The following SULT1B1 variants were observed in gnomAD, a reference collection of about 807,000 sequenced individuals.
SULT1B1 encodes the protein sulfotransferase 1B1.
Under a neutral mutation model 34.6 loss-of-function variants are expected in SULT1B1, and 28 were observed. The observed-to-expected ratio is 0.81, with a 90% CI of 0.60 to 1.11. The LOEUF (loss-of-function observed/expected upper bound fraction) is 1.11. SULT1B1 is among the 50% of genes least tolerant of loss of function. The pLI is 0.00. For synonymous variants in SULT1B1, 147 were observed against 110.2 expected (o/e 1.33, Z -2.09); for missense variants, 374 against 352.2 (o/e 1.06, Z -0.50).
At position 69,724,533 on chromosome 4, in the gene SULT1B1, T is replaced by A. The variant is rs1202243606; in HGVS notation, c.*2555A>T. 1.3e-5 allele frequency: 2 copies of A among 152,090 alleles called. No homozygotes were observed. The highest frequency in any genetic ancestry group is 2.9e-5 in the Non-Finnish European group (2 of 68,028). The allele number at this position is 152,090 out of a possible 1,614,324, so 9.4% of individuals were successfully genotyped here. ...TTGGAAAAAACTACTTTAAAGTTCA[T>A]AAGAAACCAAAAAAGAGCCCGCATT... On this transcript the variant is annotated 3_prime_UTR_variant, in exon 8 of 8. Coordinates refer to ENST00000310613, the MANE Select transcript of SULT1B1 (RefSeq NM_014465.4).
chr4:69,760,272 T>C (rs1719341741), intron 1 of SULT1B1, 187 bp downstream of exon 1: 1 of 968,168 alleles, frequency 1.0e-6, no homozygotes, highest in Non-Finnish European at 1.2e-6. Flanking sequence ...AAAATAAAAT[T>C]GAACATTGAA....
In SULT1B1 at chr4:69,724,868, A is replaced by G. The variant is rs1304299437; in HGVS notation, c.*2220T>C. On this transcript the variant is annotated 3_prime_UTR_variant, in exon 8 of 8. Coordinates refer to ENST00000310613, the MANE Select transcript of SULT1B1 (RefSeq NM_014465.4). ...TTCCTTACACCTTATACAAAAATTA[A>G]TTCAAGATGGATTAAAGACTTAAAT... 6.6e-6 allele frequency: 1 copy of G among 152,226 alleles called. No homozygotes were observed. The highest frequency in any genetic ancestry group is 1.5e-5 in the Non-Finnish European group (1 of 68,048). The allele number at this position is 152,226 out of a possible 1,614,324, so 9.4% of individuals were successfully genotyped here.
At chr4:69,756,960 G>GACAC (rs3076390) in intron 1 of SULT1B1, among the ~76,000 whole-genome samples, 1,813 of 147,980 alleles carry the variant, frequency 0.012, 33 homozygotes, top group African/African-American at 0.037. Context: ...CACCCTCACA[G>GACAC]ACACACACAC....
intron 4 of SULT1B1, among the ~76,000 whole-genome samples, chr4:69,746,203 TA>T (rs1354967350): frequency 4.6e-5 from 7 of 152,236 alleles, no homozygotes; most frequent in African/African-American, 1.7e-4. Context: ...TTGTCTTATG[TA>T]ATATCTTTTT....
chr4:69,754,549 T>G, intron 3 of SULT1B1, 121 bp downstream of exon 3: 1 of 945,526 alleles, frequency 1.1e-6, no homozygotes, highest in Non-Finnish European at 1.6e-6. Flanking sequence ...TTATATTGTT[T>G]GCCACCTTCC....
At chr4:69,748,142 T>G (rs1473708561) in intron 4 of SULT1B1, among the ~76,000 whole-genome samples, 4 of 152,028 alleles carry the variant, frequency 2.6e-5, no homozygotes, top group Non-Finnish European at 5.9e-5. Context: ...AAAGACACAC[T>G]TCAAACAAAA....
chr4:69,754,572 C>A lies in SULT1B1; in HGVS notation c.277+98G>T. On this transcript the variant is annotated intron_variant, in intron 3 of 7. Coordinates refer to ENST00000310613, the MANE Select transcript of SULT1B1 (RefSeq NM_014465.4). ...TTTGCCACCTTCCATTTTATGTCAC[C>A]AAATCTACTCCGGTTTCAGTGAAAG... 2.4e-6 allele frequency: 3 copies of A among 1,256,264 alleles called. No individual in the cohort carries two copies. In the South Asian group the frequency reaches 4.7e-5, roughly 20 times the overall value. The allele number at this position is 1,256,264 out of a possible 1,614,324, so 77.8% of individuals were successfully genotyped here. A position where few individuals can be genotyped will look rare whatever the true frequency, so the allele number is the denominator to read the frequency against.
At chr4:69,741,850 C>T (rs986916928) in intron 4 of SULT1B1, among the ~76,000 whole-genome samples, 1 of 152,116 alleles carries the variant, frequency 6.6e-6, no homozygotes, top group African/African-American at 2.4e-5. Flanking sequence ...GACTTCCTCT[C>T]TTTCTATTTG....
chr4:69,757,215 T>C (rs1027884992), intron 1 of SULT1B1, among the ~76,000 whole-genome samples: 1 of 152,208 alleles, frequency 6.6e-6, no homozygotes, highest in Non-Finnish European at 1.5e-5. Flanking sequence ...CGATGTTCCA[T>C]TTATTTCTTA....
At chr4:69,744,570 G>A (rs949136229) in intron 4 of SULT1B1, among the ~76,000 whole-genome samples, 2 of 152,172 alleles carry the variant, frequency 1.3e-5, no homozygotes, top group African/African-American at 4.8e-5. Flanking sequence ...TTGTATTTTT[G>A]TGGTGTTGGT....
At position 69,754,669 on chromosome 4, in the gene SULT1B1, C is replaced by T. The variant is rs774467170; in HGVS notation, c.277+1G>A. 1.3e-5 allele frequency: 21 copies of T among 1,611,876 alleles called. No homozygotes were observed. Among genetic ancestry groups the T allele is most frequent in the Admixed American group, 3.3e-5 (2 of 59,768 alleles). On this transcript the variant is annotated splice_donor_variant, in intron 3 of 7. Transcript: ENST00000310613. LOFTEE classifies it high-confidence loss of function. Reference sequence around the variant, plus strand: ...AATAATTCCAAGTGGGTTAAATTTACCTGATGTTCTTAATCCAGGGAGAGT... The same window carrying T: ...AATAATTCCAAGTGGGTTAAATTTATCTGATGTTCTTAATCCAGGGAGAGT...
chr4:69,733,998 A>C, intron 5 of SULT1B1, 140 bp downstream of exon 5: 1 of 688,726 alleles, frequency 1.5e-6, no homozygotes, highest in East Asian at 3.5e-5. Context: ...TAGATGCATT[A>C]GATTTAGTTT....
intron 7 of SULT1B1, among the ~76,000 whole-genome samples, chr4:69,730,300 T>C (rs914293737): frequency 6.6e-6 from 1 of 152,170 alleles, no homozygotes; most frequent in Non-Finnish European, 1.5e-5. Context: ...ATATTTATCA[T>C]ATATTCAAGG....
Position 69,724,529 on chromosome 4 carries a change from T to G in SULT1B1, c.*2559A>C, listed in dbSNP as rs1041435456. ...AGAATTGGAAAAAACTACTTTAAAG[T>G]TCATAAGAAACCAAAAAAGAGCCCG... On this transcript the variant is annotated 3_prime_UTR_variant, in exon 8 of 8. Transcript: ENST00000310613. 2 of 152,086 alleles carry G rather than the reference T, an allele frequency of 1.3e-5. No individual in the cohort carries two copies. Among genetic ancestry groups the G allele is most frequent in the African/African-American group, 4.8e-5 (2 of 41,410 alleles). The allele number at this position is 152,086 out of a possible 1,614,324, so 9.4% of individuals were successfully genotyped here.
chr4:69,731,237 G>A (rs1718069625), intron 6 of SULT1B1, among the ~76,000 whole-genome samples: 2 of 152,194 alleles, frequency 1.3e-5, no homozygotes, highest in African/African-American at 4.8e-5. Context: ...TGTTAGATCA[G>A]TGGTGCCATT....
intron 6 of SULT1B1, among the ~76,000 whole-genome samples, chr4:69,731,560 A>C (rs1718080678): frequency 6.6e-6 from 1 of 152,202 alleles, no homozygotes; most frequent in South Asian, 2.1e-4. Context: ...GAATGCATGT[A>C]GATACTCATA....
chr4:69,734,360 T>C lies in SULT1B1; in HGVS notation c.376-96A>G, dbSNP rs1718217411. ...ATACGCATGTAAAAAAGCAGAGTAC[T>C]TTTTCAAATAGAAATTGTGGGCCAG... On this transcript the variant is annotated intron_variant, in intron 4 of 7. Coordinates refer to ENST00000310613, the MANE Select transcript of SULT1B1 (RefSeq NM_014465.4). The C allele has an allele frequency of 1.1e-5, 15 of 1,366,706 alleles. No homozygotes were observed. In the East Asian group the frequency reaches 1.6e-4, roughly 15 times the overall value. The allele number at this position is 1,366,706 out of a possible 1,614,324, so 84.7% of individuals were successfully genotyped here. A position where few individuals can be genotyped will look rare whatever the true frequency, so the allele number is the denominator to read the frequency against.
intron 1 of SULT1B1, among the ~76,000 whole-genome samples, chr4:69,758,716 G>C (rs1336061849): frequency 2.0e-5 from 3 of 152,126 alleles, no homozygotes; most frequent in African/African-American, 7.2e-5. Context: ...TAGACAAATT[G>C]ATTCCCCATG....
intron 1 of SULT1B1, chr4:69,758,259 A>C: frequency 2.1e-6 from 2 of 974,470 alleles, no homozygotes; most frequent in Non-Finnish European, 2.4e-6. Context: ...GTATTGAATA[A>C]ATTGAATGAA....
Sources: allele counts gnomAD v4.1 joint callset (sites outside exome capture counted in the v4.1 genomes callset), GRCh38; gene constraint gnomAD v4.1.1; transcripts MANE v1.5; gene names NCBI Gene and HGNC (gene_info 2026-07-23, HGNC 2026-07-21).